Variants in SNX18 observed in about 807,000 individuals in gnomAD.
SNX18 encodes sorting nexin-18.
SNX18 carries 35 observed loss-of-function variants against 48.7 expected under a neutral mutation model. That is an observed-to-expected ratio of 0.72 (90% CI 0.55 to 0.95). The LOEUF is 0.95. Among genes scored for constraint, SNX18 ranks in the 40% least tolerant of loss-of-function variants. The pLI, the probability that SNX18 is intolerant of heterozygous loss-of-function variation, is 0.00. For missense variants in SNX18, 824 were observed against 871.0 expected (o/e 0.95, Z 0.68); for synonymous variants, 492 against 384.7 (o/e 1.28, Z -3.26).
At chr5:54,631,307 A>G in the SNX18 span, among the ~76,000 whole-genome samples, 8 of 152,266 alleles carry the variant, frequency 5.3e-5, 1 homozygote, top group Admixed American at 4.6e-4. Flanking sequence ...GCTCTTTTGT[A>G]GGAAAATAAA....
At chr5:54,524,406 C>T (rs1762091843) in intron 1 of SNX18, among the ~76,000 whole-genome samples, 1 of 152,206 alleles carries the variant, frequency 6.6e-6, no homozygotes, top group Non-Finnish European at 1.5e-5. Context: ...CTCCCAGTAA[C>T]TCAGGGAGCC....
the SNX18 span, among the ~76,000 whole-genome samples, chr5:54,579,024 C>T: frequency 2.0e-5 from 3 of 152,152 alleles, no homozygotes; most frequent in African/African-American, 4.8e-5. Flanking sequence ...CCTAACTAGG[C>T]TGAAAACACC....
At chr5:54,520,077 G>C in intron 1 of SNX18, 1 of 435,354 alleles carries the variant, frequency 2.3e-6, no homozygotes, top group South Asian at 6.4e-5. Context: ...TCAATTCTCT[G>C]AGTTTAAGAA....
At chr5:54,640,541 ACG>A in the SNX18 span, among the ~76,000 whole-genome samples, 1 of 152,198 alleles carries the variant, frequency 6.6e-6, no homozygotes, top group African/African-American at 2.4e-5. Flanking sequence ...GTCTCATCTT[ACG>A]CTCTGGCCTA....
chr5:54,585,543 C>T, the SNX18 span, among the ~76,000 whole-genome samples: 3 of 152,188 alleles, frequency 2.0e-5, no homozygotes, highest in Non-Finnish European at 2.9e-5. Flanking sequence ...CATGGGACTT[C>T]CCCTGAGTTA....
chr5:54,580,968 G>T, the SNX18 span, among the ~76,000 whole-genome samples: 2 of 152,296 alleles, frequency 1.3e-5, no homozygotes, highest in Non-Finnish European at 2.9e-5. Flanking sequence ...TCAGAGAAGG[G>T]CAATACGGTG....
intron 1 of SNX18, among the ~76,000 whole-genome samples, chr5:54,539,779 T>C (rs1409444592): frequency 1.3e-5 from 2 of 151,836 alleles, no homozygotes; most frequent in African/African-American, 4.8e-5. Flanking sequence ...TTTTGTGTTA[T>C]TCACTTAATA....
the SNX18 span, among the ~76,000 whole-genome samples, chr5:54,625,278 G>A: frequency 6.6e-6 from 1 of 152,156 alleles, no homozygotes; most frequent in Non-Finnish European, 1.5e-5. Context: ...AATTCTGCGG[G>A]TCCGGCCTTG....
chr5:54,598,872 G>T, the SNX18 span, among the ~76,000 whole-genome samples: 33 of 152,220 alleles, frequency 2.2e-4, no homozygotes, highest in Middle Eastern at 3.4e-3. Context: ...AGTATTGGAA[G>T]TTCTGGCCAG....
At chr5:54,556,132 T>G in the SNX18 span, among the ~76,000 whole-genome samples, 9 of 152,202 alleles carry the variant, frequency 5.9e-5, no homozygotes, top group African/African-American at 2.2e-4. Flanking sequence ...GGTGTTTAGG[T>G]TGCTTCTAAT....
At chr5:54,627,637 G>A in the SNX18 span, among the ~76,000 whole-genome samples, 1 of 152,096 alleles carries the variant, frequency 6.6e-6, no homozygotes, top group Non-Finnish European at 1.5e-5. Flanking sequence ...TGCCTCACAT[G>A]GTGGCTAAAG....
At chr5:54,580,710 A>T in the SNX18 span, among the ~76,000 whole-genome samples, 399 of 152,306 alleles carry the variant, frequency 2.6e-3, 1 homozygote, top group African/African-American at 9.2e-3. Flanking sequence ...CATCAAACCT[A>T]TATAGTAAGT....
the SNX18 span, among the ~76,000 whole-genome samples, chr5:54,600,175 C>T: frequency 2.0e-5 from 3 of 152,084 alleles, no homozygotes; most frequent in Admixed American, 2.0e-4. Flanking sequence ...AGGACATGAA[C>T]AGACCCCTCT....
At chr5:54,561,605 G>A in the SNX18 span, among the ~76,000 whole-genome samples, 10 of 151,402 alleles carry the variant, frequency 6.6e-5, no homozygotes, top group Non-Finnish European at 8.8e-5. Flanking sequence ...CTCCCAAAGT[G>A]CTGGGATTAC....
chr5:54,633,872 C>T, the SNX18 span, among the ~76,000 whole-genome samples: 1 of 152,142 alleles, frequency 6.6e-6, no homozygotes, highest in Non-Finnish European at 1.5e-5. Context: ...GGTGCTTTGC[C>T]TTCATGGAGC....
At chr5:54,590,932 C>T in the SNX18 span, among the ~76,000 whole-genome samples, 3 of 152,086 alleles carry the variant, frequency 2.0e-5, no homozygotes, top group African/African-American at 7.2e-5. Context: ...ATGAATTCTC[C>T]CCTCACTGGC....
chr5:54,533,933 G>T (rs1257066580), intron 1 of SNX18, among the ~76,000 whole-genome samples: 1 of 152,166 alleles, frequency 6.6e-6, no homozygotes, highest in Non-Finnish European at 1.5e-5. Context: ...TTAATGGGGA[G>T]TTAGTAGGGA....
At chr5:54,590,238 G>A in the SNX18 span, among the ~76,000 whole-genome samples, 45 of 152,342 alleles carry the variant, frequency 3.0e-4, 1 homozygote, top group South Asian at 9.1e-3. Flanking sequence ...GGCTAGTAAG[G>A]CCAAAAGGAG....
In SNX18 at chr5:54,518,012, G is replaced by C. The variant is rs1249853607; in HGVS notation, c.60G>C (p.Ser20=). Residue 20 remains serine, a synonymous_variant, in exon 1 of 2, where the codon TCG becomes TCC. Transcript: ENST00000381410. ...GGTCGGAGAACCCAGGAGAGATCTCGCTGCGAGAGCACGAGGTGCTGAGCC... is the reference window on the plus strand; with the variant it reads ...GGTCGGAGAACCCAGGAGAGATCTCCCTGCGAGAGCACGAGGTGCTGAGCC... ...DFRSENPGEI[S]LREHEVLSLC... 6.5e-7 allele frequency: 1 copy of C among 1,547,152 alleles called. No homozygotes were observed. The highest frequency in any genetic ancestry group is 8.7e-7 in the Non-Finnish European group (1 of 1,149,294).
Sources: gnomAD v4.1 joint callset for allele counts (sites outside exome capture counted in the v4.1 genomes callset) on GRCh38, gnomAD v4.1.1 for gene constraint, MANE v1.5 for transcripts, NCBI Gene and HGNC (gene_info 2026-07-23, HGNC 2026-07-21) for gene names.